The following PLCZ1 variants were observed in gnomAD, a reference collection of about 807,000 sequenced individuals.
PLCZ1 encodes phospholipase C zeta 1.
A neutral mutation model predicts 76.8 loss-of-function variants in PLCZ1; 64 were observed. That is an observed-to-expected ratio of 0.83 (90% CI 0.68 to 1.03). The LOEUF (loss-of-function observed/expected upper bound fraction) is 1.03, where lower values mean the gene tolerates loss of function less well. Among genes scored for constraint, PLCZ1 ranks in the 50% least tolerant of loss-of-function variants. The pLI is 0.00. For missense variants in PLCZ1, 751 were observed against 713.7 expected (o/e 1.05, Z -0.60); for synonymous variants, 248 against 230.8 (o/e 1.07, Z -0.68).
chr12:18,659,663 C>CTTT, the PLCZ1 span, among the ~76,000 whole-genome samples: 40,781 of 133,540 alleles, frequency 0.31, 7,523 homozygotes, highest in South Asian at 0.51. Flanking sequence ...GTTCTCCATT[C>CTTT]TTTTTTTTTT....
At chr12:18,733,376 T>A (rs1188290494) in intron 3 of PLCZ1, among the ~76,000 whole-genome samples, 1 of 152,178 alleles carries the variant, frequency 6.6e-6, no homozygotes, top group East Asian at 1.9e-4. Flanking sequence ...GGCTTGCAAA[T>A]ATTTTCTTTT....
chr12:18,660,553 A>G, the PLCZ1 span, among the ~76,000 whole-genome samples: 1 of 152,120 alleles, frequency 6.6e-6, no homozygotes, highest in African/African-American at 2.4e-5. Flanking sequence ...GGAAATTAGA[A>G]AGTAACTGTG....
At chr12:18,683,161 AAAAG>A (rs1952593688), downstream of PLCZ1, 1 of 1,254,678 alleles carries the variant, frequency 8.0e-7, no homozygotes, top group Non-Finnish European at 1.2e-6. Flanking sequence ...TTATGTTTAA[AAAAG>A]AAAACATAAA....
chr12:18,720,387 G>C (rs1170818836), intron 4 of PLCZ1, among the ~76,000 whole-genome samples: 2 of 151,376 alleles, frequency 1.3e-5, no homozygotes, highest in Admixed American at 1.3e-4. Flanking sequence ...CCTAGGAATG[G>C]AATTTCTGGG....
At position 18,693,483 on chromosome 12, in the gene PLCZ1, C is replaced by A. The variant is rs181499892; in HGVS notation, c.1461+1427G>T. 39 of 1,608,508 alleles carry A rather than the reference C, an allele frequency of 2.4e-5. 1 individual carries two copies. The South Asian group carries it at 3.8e-4, about 16-fold the overall frequency. On this transcript the variant is annotated intron_variant, in intron 12 of 14. Coordinates refer to ENST00000266505, the MANE Select transcript of PLCZ1 (RefSeq NM_033123.4). The stretch of plus-strand genomic sequence containing the variant: ...CCTGGCACAGGTAAAACCTTGTTAG[C>A]CAAAGCAGTAGCAAACCAAACCTCA...
chr12:18,693,084 AG>A (rs1741337991), intron 12 of PLCZ1: 1 of 1,507,782 alleles, frequency 6.6e-7, no homozygotes, highest in African/African-American at 1.4e-5. Context: ...GGATGATCTG[AG>A]GGGGACCCCA....
the PLCZ1 span, among the ~76,000 whole-genome samples, chr12:18,654,539 C>T: frequency 1.3e-5 from 2 of 152,110 alleles, no homozygotes; most frequent in African/African-American, 2.4e-5. Context: ...AGGATGAAAA[C>T]GCATCTGTGT....
intron 10 of PLCZ1, among the ~76,000 whole-genome samples, chr12:18,698,670 A>G (rs1955464866): frequency 1.3e-5 from 2 of 152,138 alleles, no homozygotes; most frequent in South Asian, 4.1e-4. Context: ...ATAGATAAAT[A>G]TATTTATGGA....
chr12:18,677,813 T>C, the PLCZ1 span, among the ~76,000 whole-genome samples: 1 of 152,084 alleles, frequency 6.6e-6, no homozygotes, highest in Non-Finnish European at 1.5e-5. Context: ...CTAAAAAATA[T>C]AAGCACAAAT....
the PLCZ1 span, among the ~76,000 whole-genome samples, chr12:18,650,148 G>A: frequency 6.6e-6 from 1 of 151,852 alleles, no homozygotes; most frequent in African/African-American, 2.4e-5. Flanking sequence ...CCCAAACTCA[G>A]TATCCCCAAA....
At chr12:18,692,790 G>A (rs11044249) in intron 12 of PLCZ1, 424,401 of 1,416,972 alleles carry the variant, frequency 0.3, 67,929 homozygotes, top group African/African-American at 0.52. Context: ...TGGTGGTCAT[G>A]GTCCTGGAGG....
In PLCZ1 at chr12:18,705,116, G is replaced by A. The variant is rs117633027; in HGVS notation, c.864+50C>T. The stretch of plus-strand genomic sequence containing the variant: ...TCACAGGCCAATATAACAGTGACAT[G>A]TTTTCATGGACTTTTTTCTTAACCT... On this transcript the variant is annotated intron_variant, in intron 7 of 14. Coordinates refer to ENST00000266505, the MANE Select transcript of PLCZ1 (RefSeq NM_033123.4). 115 of 1,599,354 alleles carry A rather than the reference G, an allele frequency of 7.2e-5. No individual in the cohort carries two copies. In the East Asian group the frequency reaches 2.4e-3, roughly 33 times the overall value.
At chr12:18,713,478 G>A (rs550022605) in intron 5 of PLCZ1, among the ~76,000 whole-genome samples, 8 of 152,216 alleles carry the variant, frequency 5.3e-5, no homozygotes, top group Admixed American at 3.9e-4. Context: ...TGGCAGAAAG[G>A]CAAGGATAAA....
At chr12:18,680,435 T>G (rs1250586805), downstream of PLCZ1, among the ~76,000 whole-genome samples, 1 of 151,972 alleles carries the variant, frequency 6.6e-6, no homozygotes, top group Non-Finnish European at 1.5e-5. Context: ...TCCTCACACC[T>G]CTTTCAGAGA....
At chr12:18,720,865 GAA>G (rs1958399911) in intron 4 of PLCZ1, among the ~76,000 whole-genome samples, 1 of 151,890 alleles carries the variant, frequency 6.6e-6, no homozygotes, top group Non-Finnish European at 1.5e-5. Context: ...CAGCCATTAA[GAA>G]TAATGTATCA....
downstream of PLCZ1, among the ~76,000 whole-genome samples, chr12:18,680,893 A>G (rs1301503633): frequency 6.6e-6 from 1 of 152,076 alleles, no homozygotes; most frequent in Non-Finnish European, 1.5e-5. Flanking sequence ...TGATTGGAGT[A>G]AATCTTATCT....
rs1555180102 is a variant in PLCZ1 at position 18,696,322 on chromosome 12, C to CTATATATATATATCATATATA, written c.1175-57_1175-56insTATATATGATATATATATATA. 2.0e-5 allele frequency: 5 copies of CTATATATATATATCATATATA among 253,072 alleles called. No individual in the cohort carries two copies. The African/African-American group carries it at 3.1e-4, about 15-fold the overall frequency. The allele number at this position is 253,072 out of a possible 1,614,324, so 15.7% of individuals were successfully genotyped here. On this transcript the variant is annotated intron_variant, in intron 10 of 14. Transcript: ENST00000266505. ...GAATTCAAATAAATTTAAAAAGCCACTATATATATATATATATATATATAT... is the reference window on the plus strand; with the variant it reads ...GAATTCAAATAAATTTAAAAAGCCACTATATATATATATCATATATATATATATATATATATATATATATAT...
intron 12 of PLCZ1, chr12:18,693,318 C>T (rs68061417): frequency 0.14 from 223,353 of 1,544,748 alleles, 17,561 homozygotes; most frequent in African/African-American, 0.21. Flanking sequence ...AAAGGCCCCC[C>T]AAGAGACCTA....
chr12:18,737,450 A>G lies in PLCZ1; in HGVS notation c.-79T>C, dbSNP rs755846209. The stretch of plus-strand genomic sequence containing the variant: ...GGTGCTGTCATGGGTTCCAAATACA[A>G]TTAACTCTGCCCCTTTGCAGAAAAT... On this transcript the variant is annotated 5_prime_UTR_variant, in exon 2 of 15. Transcript: ENST00000266505. 9.5e-6 allele frequency: 15 copies of G among 1,579,432 alleles called. No individual in the cohort carries two copies. In the African/African-American group the frequency reaches 2.0e-4, roughly 21 times the overall value.
Sources: gnomAD v4.1 joint callset for allele counts (sites outside exome capture counted in the v4.1 genomes callset) on GRCh38, gnomAD v4.1.1 for gene constraint, MANE v1.5 for transcripts, NCBI Gene and HGNC (gene_info 2026-07-23, HGNC 2026-07-21) for gene names.